The following SEMA3C variants were observed in gnomAD, a reference collection of about 807,000 sequenced individuals.
SEMA3C encodes the protein semaphorin 3C.
Under a neutral mutation model 89.4 loss-of-function variants are expected in SEMA3C, and 47 were observed. That is an observed-to-expected ratio of 0.53 (90% CI 0.42 to 0.67). The LOEUF (loss-of-function observed/expected upper bound fraction) is 0.67, where lower values mean the gene tolerates loss of function less well. SEMA3C is among the 30% of genes least tolerant of loss of function. The pLI is 0.00. For synonymous variants in SEMA3C, 310 were observed against 320.2 expected (o/e 0.97, Z 0.34); for missense variants, 839 against 929.1 (o/e 0.90, Z 1.26).
intron 10 of SEMA3C, 134 bp downstream of exon 10, chr7:80,800,623 A>G: frequency 1.9e-6 from 1 of 538,050 alleles, no homozygotes. Flanking sequence ...AGGCAAAAGT[A>G]AATAAAATGG....
At chr7:80,846,497 C>T (rs796816541) in intron 2 of SEMA3C, among the ~76,000 whole-genome samples, 6 of 152,262 alleles carry the variant, frequency 3.9e-5, no homozygotes, top group East Asian at 1.9e-4. Flanking sequence ...CCTAGGACTA[C>T]GGGCACACAA....
At chr7:80,866,764 T>C (rs1022218914) in intron 2 of SEMA3C, among the ~76,000 whole-genome samples, 6 of 152,204 alleles carry the variant, frequency 3.9e-5, no homozygotes, top group African/African-American at 1.4e-4. Flanking sequence ...TTAAAATATA[T>C]AGAACATTTC....
rs529336601 is a variant in SEMA3C, at chr7:80,899,788, T to G, written c.103+16891A>C. Among the ~76,000 whole-genome samples, 15 of 152,330 alleles carry G rather than the reference T, an allele frequency of 9.8e-5. No homozygotes were observed. In the East Asian group the frequency reaches 2.9e-3, roughly 29 times the overall value. On this transcript the variant is annotated intron_variant, in intron 2 of 17. Transcript: ENST00000265361. ...AAGACTGTCAACTGAAGTCTAATTC[T>G]TAAATGTTAGCAGCTGATTCATTTT...
intron 4 of SEMA3C, among the ~76,000 whole-genome samples, chr7:80,826,269 C>T (rs952485839): frequency 6.6e-6 from 1 of 152,142 alleles, no homozygotes; most frequent in Non-Finnish European, 1.5e-5. Flanking sequence ...AGACTCAGGG[C>T]AGTCTTCACT....
Position 80,744,948 on chromosome 7 carries a change from G to A in SEMA3C, c.2202C>T (p.Ala734=), listed in dbSNP as rs1787765534. The A allele has an allele frequency of 1.9e-6, 3 of 1,613,846 alleles. No individual in the cohort carries two copies. The highest frequency in any genetic ancestry group is 2.2e-5 in the East Asian group (1 of 44,884). Reference sequence around the variant, plus strand: ...TTCTACTTTTCCGACTATTGATGAGGGCCTTTAACTTGCCATAGTCCCCTC... The same window carrying A: ...TTCTACTTTTCCGACTATTGATGAGAGCCTTTAACTTGCCATAGTCCCCTC... ...KMRGDYGKLK[A]LINSRKSRNR... Residue 734 remains alanine, a synonymous_variant, in exon 18 of 18, where the codon GCC becomes GCT. Coordinates refer to ENST00000265361, the MANE Select transcript of SEMA3C (RefSeq NM_006379.5).
chr7:80,837,360 T>A (rs910613428), intron 2 of SEMA3C, among the ~76,000 whole-genome samples: 12 of 152,188 alleles, frequency 7.9e-5, no homozygotes, highest in African/African-American at 2.9e-4. Context: ...ATAGAATAAG[T>A]CTTTTGTTTC....
At chr7:80,901,529 C>T (rs1291036970) in intron 2 of SEMA3C, among the ~76,000 whole-genome samples, 2 of 152,146 alleles carry the variant, frequency 1.3e-5, no homozygotes, top group Admixed American at 6.5e-5. Flanking sequence ...AAACTTACCG[C>T]CAAGTGCTAA....
At chr7:80,745,921 T>A (rs1787789961) in intron 17 of SEMA3C, among the ~76,000 whole-genome samples, 1 of 152,102 alleles carries the variant, frequency 6.6e-6, no homozygotes, top group African/African-American at 2.4e-5. Flanking sequence ...TTTTAAGTCC[T>A]CTAAGTGGTT....
chr7:80,804,102 T>C lies in SEMA3C; in HGVS notation c.801+4A>G. 6.2e-7 allele frequency: 1 copy of C among 1,607,636 alleles called. No homozygotes were observed. The highest frequency in any genetic ancestry group is 8.5e-7 in the Non-Finnish European group (1 of 1,176,724). Reference sequence around the variant, plus strand: ...CTTCAAATCGGAACAGCATTAATACTTACAGGACATATTCGAGCAATCATG... The same window carrying C: ...CTTCAAATCGGAACAGCATTAATACCTACAGGACATATTCGAGCAATCATG... On this transcript the variant is annotated splice_donor_region_variant and intron_variant, in intron 8 of 17. Transcript: ENST00000265361.
intron 15 of SEMA3C, among the ~76,000 whole-genome samples, chr7:80,756,376 A>C (rs1314678293): frequency 6.6e-6 from 1 of 151,724 alleles, no homozygotes; most frequent in African/African-American, 2.4e-5. Context: ...CCACCATTAT[A>C]TCTCACCTAG....
At chr7:80,863,834 T>C (rs1383513981) in intron 2 of SEMA3C, among the ~76,000 whole-genome samples, 2 of 135,362 alleles carry the variant, frequency 1.5e-5, no homozygotes, top group African/African-American at 5.2e-5. Context: ...TGATATGTGA[T>C]ATATATATCA....
At chr7:80,861,951 T>A (rs1790782044) in intron 2 of SEMA3C, among the ~76,000 whole-genome samples, 1 of 152,046 alleles carries the variant, frequency 6.6e-6, no homozygotes, top group Non-Finnish European at 1.5e-5. Flanking sequence ...CTCAATATAA[T>A]AAAAGTCATT....
At chr7:80,920,581 T>A (rs2116276089), upstream of SEMA3C, among the ~76,000 whole-genome samples, 1 of 152,284 alleles carries the variant, frequency 6.6e-6, no homozygotes, top group Non-Finnish European at 1.5e-5. Flanking sequence ...CGCTGCATAG[T>A]CAAGGAACGA....
chr7:80,853,661 T>C (rs983686717), intron 2 of SEMA3C, among the ~76,000 whole-genome samples: 1 of 152,288 alleles, frequency 6.6e-6, no homozygotes, highest in Non-Finnish European at 1.5e-5. Context: ...TGGAGATGGC[T>C]GATGGGCAGA....
intron 12 of SEMA3C, among the ~76,000 whole-genome samples, chr7:80,787,920 G>C (rs1001803822): frequency 1.3e-5 from 2 of 152,134 alleles, no homozygotes; most frequent in Non-Finnish European, 2.9e-5. Context: ...CCGTGGGAAA[G>C]GATGCCAACC....
At chr7:80,829,872 ACT>A (rs1377244767) in intron 2 of SEMA3C, among the ~76,000 whole-genome samples, 3 of 152,100 alleles carry the variant, frequency 2.0e-5, no homozygotes, top group South Asian at 4.1e-4. Flanking sequence ...AGAATGACAA[ACT>A]CTAAGAAAGA....
At chr7:80,808,305 C>CTA (rs10677336) in intron 6 of SEMA3C, among the ~76,000 whole-genome samples, 46,741 of 151,672 alleles carry the variant, frequency 0.31, 7,353 homozygotes, top group East Asian at 0.35. Context: ...CAAATGAAAA[C>CTA]TATATATATA....
At chr7:80,866,308 T>C (rs1424936283) in intron 2 of SEMA3C, among the ~76,000 whole-genome samples, 2 of 152,140 alleles carry the variant, frequency 1.3e-5, no homozygotes, top group African/African-American at 2.4e-5. Context: ...GTGTCTTCTA[T>C]AATATTATGG....
intron 5 of SEMA3C, 112 bp from the exon 6 acceptor site, chr7:80,810,813 C>T (rs1583899794): frequency 6.7e-6 from 5 of 741,544 alleles, no homozygotes; most frequent in Non-Finnish European, 9.2e-6. Context: ...TAGTTGGTTG[C>T]TTATTATGCC....
Sources: gnomAD v4.1 joint callset for allele counts (sites outside exome capture counted in the v4.1 genomes callset) on GRCh38, gnomAD v4.1.1 for gene constraint, MANE v1.5 for transcripts, NCBI Gene and HGNC (gene_info 2026-07-23, HGNC 2026-07-21) for gene names.